The following RIPOR2 variants were observed in gnomAD, a reference collection of about 807,000 sequenced individuals.
RIPOR2 encodes the protein rho family-interacting cell polarization regulator 2.
RIPOR2 carries 39 observed loss-of-function variants against 114.5 expected under a neutral mutation model. The ratio of observed to expected loss-of-function variants is 0.34; its 90% CI spans 0.26 to 0.44. The LOEUF (loss-of-function observed/expected upper bound fraction) is 0.44, where lower values mean the gene tolerates loss of function less well. Ranked by LOEUF, RIPOR2 falls within the 20% of genes least tolerant of loss-of-function variation. RIPOR2 has a pLI of 1.00. For synonymous variants in RIPOR2, 445 were observed against 484.4 expected, an observed-to-expected ratio of 0.92 and a Z score of 1.07; for missense variants, 1,007 against 1,255.1, an observed-to-expected ratio of 0.80 and a Z score of 2.99.
At chr6:24,857,017 T>G (rs1763537905) in intron 8 of RIPOR2, among the ~76,000 whole-genome samples, 2 of 152,192 alleles carry the variant, frequency 1.3e-5, no homozygotes, top group African/African-American at 4.8e-5. Context: ...CAAAATTTCT[T>G]GGAACTGCTG....
chr6:24,843,304 C>T lies in RIPOR2; in HGVS notation c.1415G>A (p.Gly472Asp). Residue 472 changes from glycine to aspartate, a missense_variant, in exon 13 of 22, where the codon GGC becomes GAC. By Grantham distance (94) the Gly-to-Asp change is moderately conservative. Coordinates refer to ENST00000643898, the MANE Select transcript of RIPOR2 (RefSeq NM_001286445.3). ...SASSRNSLGE[G>D]QEPKSHLKEE... ...CTTCAGGTGTGACTTTGGCTCTTGG[C>T]CTTCTCCCAGGGAGTTCCTGGAAGA... 2 of 1,613,992 alleles carry T rather than the reference C, an allele frequency of 1.2e-6. No individual in the cohort carries two copies. Among genetic ancestry groups the T allele is most frequent in the Non-Finnish European group, 1.7e-6 (2 of 1,179,886 alleles).
intron 13 of RIPOR2, chr6:24,839,548 A>G (rs1761432430): frequency 9.2e-6 from 13 of 1,419,840 alleles, no homozygotes; most frequent in African/African-American, 1.4e-5. Context: ...TTGATCACTG[A>G]GGAGGTTGAG....
chr6:24,908,732 C>G (rs890598803), intron 1 of RIPOR2, among the ~76,000 whole-genome samples: 8 of 152,158 alleles, frequency 5.3e-5, no homozygotes, highest in African/African-American at 1.9e-4. Flanking sequence ...ATATAAATAT[C>G]TCCCTCCACC....
chr6:25,015,002 G>C (rs1775907713), intron 1 of RIPOR2: 1 of 151,974 alleles, frequency 6.6e-6, no homozygotes, highest in Non-Finnish European at 1.5e-5. Context: ...TGCAGAGACA[G>C]TTATGTGTCA....
chr6:24,969,392 A>T (rs1407891467), intron 1 of RIPOR2, among the ~76,000 whole-genome samples: 2 of 152,242 alleles, frequency 1.3e-5, no homozygotes. Flanking sequence ...GGGGTGATTC[A>T]CGTGCAGGTT....
intron 1 of RIPOR2, among the ~76,000 whole-genome samples, chr6:24,989,481 G>C (rs1170649816): frequency 1.3e-5 from 2 of 151,648 alleles, no homozygotes; most frequent in Non-Finnish European, 2.9e-5. Context: ...ATTTTTAGTA[G>C]AGATAGGGTT....
At position 24,870,851 on chromosome 6, in the gene RIPOR2, G is replaced by A. The variant is rs759230337; in HGVS notation, c.447+15C>T. 2.1e-5 allele frequency: 33 copies of A among 1,599,780 alleles called. No homozygotes were observed. The highest frequency in any genetic ancestry group is 2.4e-5 in the Non-Finnish European group (28 of 1,171,346). ...TTTTTTCTTATTAGCACCCCAACAC[G>A]GAATGGCAACTTACCTTGTCTAGGT... On this transcript the variant is annotated intron_variant, in intron 5 of 21. Transcript: ENST00000643898.
intron 1 of RIPOR2, chr6:24,976,555 C>T (rs1323640604): frequency 2.0e-5 from 32 of 1,595,398 alleles, no homozygotes; most frequent in Non-Finnish European, 2.8e-5. Context: ...CAGATTGGAG[C>T]TGTTTGCAGA....
intron 1 of RIPOR2, among the ~76,000 whole-genome samples, chr6:25,009,303 T>C (rs1471237890): frequency 6.6e-6 from 1 of 152,220 alleles, no homozygotes; most frequent in Non-Finnish European, 1.5e-5. Flanking sequence ...ACCTTTATCT[T>C]GATTAGCAGT....
At chr6:24,967,018 G>T (rs367710375) in intron 1 of RIPOR2, among the ~76,000 whole-genome samples, 2 of 152,136 alleles carry the variant, frequency 1.3e-5, no homozygotes, top group South Asian at 2.1e-4. Context: ...GTGCGGACAC[G>T]GACAGAATGT....
At chr6:24,857,608 A>C (rs1037064284) in intron 8 of RIPOR2, among the ~76,000 whole-genome samples, 12 of 152,108 alleles carry the variant, frequency 7.9e-5, no homozygotes, top group African/African-American at 2.9e-4. Context: ...ACTTTAAGAC[A>C]ACCAAGTAGC....
chr6:24,871,365 T>G (rs564523124), intron 4 of RIPOR2, among the ~76,000 whole-genome samples: 1 of 152,356 alleles, frequency 6.6e-6, no homozygotes, highest in East Asian at 1.9e-4. Context: ...TTTTGTTTTG[T>G]TTTTGAGACA....
chr6:24,928,593 T>G (rs1771142992), intron 1 of RIPOR2, among the ~76,000 whole-genome samples: 1 of 152,216 alleles, frequency 6.6e-6, no homozygotes, highest in African/African-American at 2.4e-5. Context: ...GCTCTTACGC[T>G]GTTGCTGTGT....
intron 1 of RIPOR2, among the ~76,000 whole-genome samples, chr6:25,021,356 A>G (rs1458978117): frequency 6.6e-6 from 1 of 152,200 alleles, no homozygotes; most frequent in African/African-American, 2.4e-5. Flanking sequence ...AGGATGATGC[A>G]AGGGGATTAT....
intron 1 of RIPOR2, among the ~76,000 whole-genome samples, chr6:24,964,419 C>T (rs574662273): frequency 2.3e-4 from 35 of 152,284 alleles, no homozygotes; most frequent in Non-Finnish European, 3.5e-4. Flanking sequence ...TGGCTTTTTT[C>T]CCTCAGCATG....
intron 1 of RIPOR2, among the ~76,000 whole-genome samples, chr6:25,035,997 T>G (rs151024739): frequency 1.3e-5 from 2 of 152,308 alleles, no homozygotes; most frequent in East Asian, 3.9e-4. Context: ...TGTGTAGAAT[T>G]GTCAACCCAG....
At chr6:24,958,800 G>C (rs888542247) in intron 1 of RIPOR2, among the ~76,000 whole-genome samples, 1 of 152,072 alleles carries the variant, frequency 6.6e-6, no homozygotes, top group Non-Finnish European at 1.5e-5. Flanking sequence ...AGTTCTGGAG[G>C]CTGGAGGTCT....
chr6:25,011,461 A>G (rs1456163376), intron 1 of RIPOR2, among the ~76,000 whole-genome samples: 1 of 152,192 alleles, frequency 6.6e-6, no homozygotes, highest in East Asian at 1.9e-4. Context: ...ACTCTAGAAT[A>G]TGTCACATAG....
chr6:24,911,015 C>A lies in RIPOR2; in HGVS notation c.61+24823G>T, dbSNP rs1014413623. 16 of 982,174 alleles carry A rather than the reference C, an allele frequency of 1.6e-5. No individual in the cohort carries two copies. In the East Asian group the frequency reaches 1.4e-3, roughly 84 times the overall value. The allele number at this position is 982,174 out of a possible 1,614,324, so 60.8% of individuals were successfully genotyped here. A position where few individuals can be genotyped will look rare whatever the true frequency, so the allele number is the denominator to read the frequency against. ...CTGTCCCCAGCGCCGGCTGCCCTGC[C>A]GCGTCCGCTCGCAGCAGCTGCGGCG... On this transcript the variant is annotated intron_variant, in intron 1 of 21. Coordinates refer to ENST00000643898, the MANE Select transcript of RIPOR2 (RefSeq NM_001286445.3).
Sources: allele counts gnomAD v4.1 joint callset (sites outside exome capture counted in the v4.1 genomes callset), GRCh38; gene constraint gnomAD v4.1.1; transcripts MANE v1.5; gene names NCBI Gene and HGNC (gene_info 2026-07-23, HGNC 2026-07-21).